The following AFF3 variants were observed in gnomAD, a reference collection of about 807,000 sequenced individuals.
AFF3 encodes the protein AF4/FMR2 family member 3.
Under a neutral mutation model 129.7 loss-of-function variants are expected in AFF3, and 32 were observed. The observed-to-expected ratio is 0.25, with a 90% CI of 0.19 to 0.33. The LOEUF (loss-of-function observed/expected upper bound fraction) is 0.33. Among genes scored for constraint, AFF3 ranks in the 10% least tolerant of loss-of-function variants. AFF3 has a pLI of 1.00. For missense variants in AFF3, 1,373 were observed against 1,592.0 expected, an observed-to-expected ratio of 0.86 and a Z score of 2.34; for synonymous variants, 644 against 635.4, an observed-to-expected ratio of 1.01 and a Z score of -0.20.
chr2:99,987,366 T>C (rs1679968442), intron 7 of AFF3, among the ~76,000 whole-genome samples: 1 of 152,198 alleles, frequency 6.6e-6, no homozygotes, highest in African/African-American at 2.4e-5. Flanking sequence ...AGCTCTCAAC[T>C]GCAATGACTG....
chr2:99,635,847 C>A (rs1683602788), intron 13 of AFF3, among the ~76,000 whole-genome samples: 1 of 152,140 alleles, frequency 6.6e-6, no homozygotes, highest in Non-Finnish European at 1.5e-5. Flanking sequence ...GGGATGATGG[C>A]AGCAAGTCCC....
At chr2:100,075,294 T>G (rs1046010502) in intron 4 of AFF3, among the ~76,000 whole-genome samples, 1 of 152,120 alleles carries the variant, frequency 6.6e-6, no homozygotes, top group African/African-American at 2.4e-5. Flanking sequence ...AGAAACACCA[T>G]GATCAGTGTC....
At chr2:100,119,603 T>C (rs1336612874) in intron 2 of AFF3, among the ~76,000 whole-genome samples, 1 of 152,240 alleles carries the variant, frequency 6.6e-6, no homozygotes, top group Non-Finnish European at 1.5e-5. Context: ...CTAACAAGTA[T>C]TGAGTGTTAA....
At chr2:99,612,781 C>T (rs1340609761) in intron 13 of AFF3, among the ~76,000 whole-genome samples, 3 of 152,228 alleles carry the variant, frequency 2.0e-5, no homozygotes, top group Admixed American at 2.0e-4. Context: ...TGTGGGAGCA[C>T]CTCTGCCTCA....
chr2:99,604,094 T>C (rs946021211), intron 13 of AFF3, among the ~76,000 whole-genome samples: 1 of 152,028 alleles, frequency 6.6e-6, no homozygotes, highest in Admixed American at 6.5e-5. Flanking sequence ...GATAGAAATA[T>C]CACTCAACCC....
intron 8 of AFF3, among the ~76,000 whole-genome samples, chr2:99,832,020 T>A (rs189032489): frequency 9.8e-5 from 15 of 152,362 alleles, no homozygotes; most frequent in Admixed American, 5.9e-4. Flanking sequence ...ACATCTACAT[T>A]TGACGTACTT....
intron 7 of AFF3, among the ~76,000 whole-genome samples, chr2:99,948,255 T>A (rs1400520831): frequency 1.3e-5 from 2 of 152,064 alleles, no homozygotes; most frequent in East Asian, 3.9e-4. Context: ...CCACCTTTTT[T>A]CCCAAGATGG....
At chr2:99,736,597 T>C (rs1439219068) in intron 10 of AFF3, among the ~76,000 whole-genome samples, 1 of 147,716 alleles carries the variant, frequency 6.8e-6, no homozygotes, top group African/African-American at 2.5e-5. Flanking sequence ...ATCCATTTGT[T>C]TAAATTACTG....
At chr2:99,948,663 T>A (rs1200008464) in intron 7 of AFF3, among the ~76,000 whole-genome samples, 6 of 152,042 alleles carry the variant, frequency 3.9e-5, no homozygotes, top group African/African-American at 7.2e-5. Flanking sequence ...GAACAAAACT[T>A]CTCCAGACAG....
At chr2:99,793,934 G>T (rs1443432220) in intron 8 of AFF3, among the ~76,000 whole-genome samples, 2 of 152,150 alleles carry the variant, frequency 1.3e-5, no homozygotes, top group Non-Finnish European at 2.9e-5. Flanking sequence ...TTTCCTTGAA[G>T]AACTGCTCTA....
chr2:99,727,176 T>C, intron 10 of AFF3, 48 bp from the exon 11 acceptor site: 1 of 1,491,790 alleles, frequency 6.7e-7, no homozygotes, highest in South Asian at 1.2e-5. Flanking sequence ...TCTTACAGTC[T>C]TTAAGATTTA....
At chr2:99,668,619 G>A (rs1011068892) in intron 12 of AFF3, among the ~76,000 whole-genome samples, 6 of 151,908 alleles carry the variant, frequency 3.9e-5, no homozygotes, top group African/African-American at 1.2e-4. Context: ...CTGGAGTGTA[G>A]TGGCACAATT....
chr2:99,701,373 A>C (rs761429126), intron 11 of AFF3, among the ~76,000 whole-genome samples: 1 of 152,240 alleles, frequency 6.6e-6, no homozygotes, highest in Non-Finnish European at 1.5e-5. Flanking sequence ...TCACTGGCAC[A>C]CTGGAGGATT....
chr2:99,632,008 CTTTTT>C (rs745651225), intron 13 of AFF3, among the ~76,000 whole-genome samples: 1 of 76,884 alleles, frequency 1.3e-5, no homozygotes, highest in African/African-American at 5.5e-5. Context: ...CTTGCCAACA[CTTTTT>C]TTTTTTTTTT....
At chr2:99,989,050 A>G (rs1281829962) in intron 7 of AFF3, among the ~76,000 whole-genome samples, 1 of 152,216 alleles carries the variant, frequency 6.6e-6, no homozygotes, top group Non-Finnish European at 1.5e-5. Flanking sequence ...GGAGCAAACC[A>G]AAGAGTAACT....
At position 99,551,436 on chromosome 2, in the gene AFF3, T is replaced by G. The variant is rs185599437; in HGVS notation, c.*38A>C. On this transcript the variant is annotated 3_prime_UTR_variant, in exon 25 of 25. Transcript: ENST00000672756. ...GTGTCCAAAAACGTTGAGCCATCTG[T>G]GGAGACCAGAGCCCACTCTGGCCCC... is the stretch of plus-strand genomic sequence containing the variant. 1 of 1,612,766 alleles carries G rather than the reference T, an allele frequency of 6.2e-7. No individual in the cohort carries two copies. Among genetic ancestry groups the G allele is most frequent in the African/African-American group, 1.3e-5 (1 of 74,916 alleles).
chr2:100,035,898 A>G (rs563017871), intron 4 of AFF3, among the ~76,000 whole-genome samples: 1 of 152,222 alleles, frequency 6.6e-6, no homozygotes, highest in South Asian at 2.1e-4. Flanking sequence ...TGTTAATCAT[A>G]AAGTCTGTTA....
rs566302931 is a variant in AFF3, at chr2:99,734,826, T to C, written c.1040-7698A>G. On this transcript the variant is annotated intron_variant, in intron 10 of 24. Coordinates refer to ENST00000672756, the MANE Select transcript of AFF3 (RefSeq NM_001386135.1). ...TATGATCATGAATGATACCTGTGAA[T>C]TCTTTTTCTTGTACTGGCTTGTCAA... 8.5e-5 allele frequency among the ~76,000 whole-genome samples: 13 copies of C among 152,302 alleles called. 1 individual carries two copies. The South Asian group carries it at 2.5e-3, about 29-fold the overall frequency.
In AFF3 at chr2:99,549,471, G is replaced by A. The variant is rs1418395240; in HGVS notation, c.*2003C>T. On this transcript the variant is annotated 3_prime_UTR_variant, in exon 25 of 25. Coordinates refer to ENST00000672756, the MANE Select transcript of AFF3 (RefSeq NM_001386135.1). The stretch of plus-strand genomic sequence containing the variant: ...ATGGTAGTGCACACCTGTAATCCCA[G>A]CTACTTGGGAGGCTGAGGCGGGACA... 1 of 179,160 alleles carries A rather than the reference G, an allele frequency of 5.6e-6. No individual in the cohort carries two copies. Among genetic ancestry groups the A allele is most frequent in the Non-Finnish European group, 1.2e-5 (1 of 83,716 alleles). The allele number at this position is 179,160 out of a possible 1,614,324, so 11.1% of individuals were successfully genotyped here. A position where few individuals can be genotyped will look rare whatever the true frequency, so the allele number is the denominator to read the frequency against.
Sources: allele counts gnomAD v4.1 joint callset (sites outside exome capture counted in the v4.1 genomes callset), GRCh38; gene constraint gnomAD v4.1.1; transcripts MANE v1.5; gene names NCBI Gene and HGNC (gene_info 2026-07-23, HGNC 2026-07-21).